DAB1: variants seen among roughly 807,000 people sequenced by gnomAD.
DAB1 encodes the protein DAB adaptor protein 1, also known as disabled homolog 1.
Under a neutral mutation model 64.6 loss-of-function variants are expected in DAB1, and 15 were observed. The ratio of observed to expected loss-of-function variants is 0.23; its 90% CI spans 0.16 to 0.36. DAB1 has a LOEUF of 0.36. Among genes scored for constraint, DAB1 ranks in the 10% least tolerant of loss-of-function variants. The pLI is 1.00. For missense variants in DAB1, 596 were observed against 706.7 expected (o/e 0.84, Z 1.78); for synonymous variants, 235 against 251.9 (o/e 0.93, Z 0.64).
intron 4 of DAB1, among the ~76,000 whole-genome samples, chr1:58,283,618 T>C (rs1661616330): frequency 6.6e-6 from 1 of 152,194 alleles, no homozygotes; most frequent in Non-Finnish European, 1.5e-5. Context: ...TCACTTTGTC[T>C]CTGAGCATCA....
At chr1:58,098,815 C>T (rs1651141121) in intron 5 of DAB1, among the ~76,000 whole-genome samples, 1 of 152,310 alleles carries the variant, frequency 6.6e-6, no homozygotes, top group East Asian at 1.9e-4. Context: ...AAGAAGTCAG[C>T]TGCACCAACA....
At chr1:57,065,481 CA>C (rs2100576921) in intron 8 of DAB1, among the ~76,000 whole-genome samples, 1 of 152,204 alleles carries the variant, frequency 6.6e-6, no homozygotes, top group East Asian at 1.9e-4. Context: ...ATTATTGCAT[CA>C]CATTGTAACT....
Position 57,136,652 on chromosome 1 carries a change from G to A in DAB1, c.208-11C>T. 1 of 1,502,376 alleles carries A rather than the reference G, an allele frequency of 6.7e-7. No individual in the cohort carries two copies. 93.1% of individuals were successfully genotyped at this position (1,502,376 alleles called of 1,614,324 possible). On this transcript the variant is annotated splice_polypyrimidine_tract_variant and intron_variant, in intron 3 of 14. Coordinates refer to ENST00000371236, the MANE Select transcript of DAB1 (RefSeq NM_001365792.1). ...GCCAGCAACAACGCCCTGTTGAAAG[G>A]AAGAACATGGTTTTTACTTAAGTGT... is the stretch of plus-strand genomic sequence containing the variant.
In DAB1 at chr1:57,196,445, G is replaced by T. The variant is rs35203220; in HGVS notation, c.68-51016C>A. 6.6e-5 allele frequency among the ~76,000 whole-genome samples: 10 copies of T among 152,316 alleles called. 1 individual carries two copies. The highest frequency in any genetic ancestry group is 2.0e-4 in the Admixed American group (3 of 15,288). The stretch of plus-strand genomic sequence containing the variant: ...GACCTGGCAGTGAGTGTGGGAGGCA[G>T]GTGGGCTCCTGGCAAACCAGGAAGA... On this transcript the variant is annotated intron_variant, in intron 2 of 14. Coordinates refer to ENST00000371236, the MANE Select transcript of DAB1 (RefSeq NM_001365792.1).
intron 2 of DAB1, among the ~76,000 whole-genome samples, chr1:57,274,927 TA>T (rs11423501): frequency 1.3e-4 from 20 of 149,990 alleles, no homozygotes; most frequent in South Asian, 4.2e-4. Flanking sequence ...CTTAACTGCT[TA>T]AAAAAAAATT....
chr1:57,706,114 G>A (rs1043397960), intron 6 of DAB1, among the ~76,000 whole-genome samples: 2 of 151,808 alleles, frequency 1.3e-5, no homozygotes, highest in African/African-American at 4.8e-5. Context: ...GGTCACATGT[G>A]CTCATGTGAC....
intron 2 of DAB1, among the ~76,000 whole-genome samples, chr1:58,514,369 A>G (rs1029038651): frequency 3.9e-5 from 6 of 152,216 alleles, no homozygotes; most frequent in African/African-American, 7.2e-5. Context: ...ATATGTATAA[A>G]TAGATCTAGA....
chr1:58,231,251 T>C (rs1283394668), intron 4 of DAB1, among the ~76,000 whole-genome samples: 1 of 152,182 alleles, frequency 6.6e-6, no homozygotes, highest in East Asian at 1.9e-4. Context: ...AAATGAAACT[T>C]AGAGCTCTTT....
intron 4 of DAB1, among the ~76,000 whole-genome samples, chr1:58,282,711 C>G (rs1661591235): frequency 6.6e-6 from 1 of 152,024 alleles, no homozygotes; most frequent in African/African-American, 2.4e-5. Context: ...TGCCACTCTG[C>G]CCACTGGAAA....
At chr1:57,023,385 C>T (rs778245712) in intron 11 of DAB1, 146 bp downstream of exon 11, 6 of 602,538 alleles carry the variant, frequency 1.0e-5, no homozygotes, top group Non-Finnish European at 1.8e-5. Flanking sequence ...CCACCTCCTC[C>T]TCTAAATAGC....
At chr1:57,853,701 C>T (rs1214654816) in intron 1 of DAB1, among the ~76,000 whole-genome samples, 1 of 152,080 alleles carries the variant, frequency 6.6e-6, no homozygotes, top group Non-Finnish European at 1.5e-5. Flanking sequence ...ATGAGTTGTT[C>T]CCTTTACTGA....
intron 6 of DAB1, among the ~76,000 whole-genome samples, chr1:57,736,245 T>G (rs1647686668): frequency 1.3e-5 from 2 of 152,106 alleles, no homozygotes; most frequent in Admixed American, 6.5e-5. Context: ...AAAGTTAAGA[T>G]TGGTGTTCAG....
intron 12 of DAB1, among the ~76,000 whole-genome samples, chr1:57,013,748 G>GCTGAGTCAT (rs1646336615): frequency 6.6e-6 from 1 of 152,176 alleles, no homozygotes; most frequent in African/African-American, 2.4e-5. Context: ...CAAGGCACAG[G>GCTGAGTCAT]CTGAGTCATC....
chr1:57,069,570 T>C (rs539613932), intron 7 of DAB1, 145 bp from the exon 8 acceptor site: 3 of 644,874 alleles, frequency 4.7e-6, no homozygotes, highest in African/African-American at 3.7e-5. Context: ...AACTAAATTA[T>C]TGAAATAAAA....
chr1:57,991,932 T>C (rs17434789), intron 5 of DAB1, among the ~76,000 whole-genome samples: 9,616 of 147,774 alleles, frequency 0.065, 420 homozygotes, highest in Middle Eastern at 0.17. Context: ...GATGCCCGAG[T>C]TGAGAAGGTC....
Position 57,001,510 on chromosome 1 carries a change from T to C in DAB1, c.*16-3382A>G, listed in dbSNP as rs2101625366. On this transcript the variant is annotated intron_variant, in intron 14 of 14. Transcript: ENST00000371236. ...TCACGTAAATGATGTTAAAAAAATC[T>C]TTCTTTATGTCTTTCCAGGATGATC... Among the ~76,000 whole-genome samples the C allele has an allele frequency of 2.0e-5, 3 of 152,308 alleles. No homozygotes were observed. In the East Asian group the frequency reaches 5.8e-4, roughly 29 times the overall value.
At chr1:57,261,532 T>G (rs1472092174) in intron 2 of DAB1, among the ~76,000 whole-genome samples, 2 of 152,172 alleles carry the variant, frequency 1.3e-5, no homozygotes, top group Non-Finnish European at 2.9e-5. Flanking sequence ...TCTATTTTGG[T>G]GTATCCCAAC....
At chr1:57,978,740 T>A (rs994610825) in intron 5 of DAB1, among the ~76,000 whole-genome samples, 1 of 151,792 alleles carries the variant, frequency 6.6e-6, no homozygotes, top group Non-Finnish European at 1.5e-5. Context: ...AACAACCCCA[T>A]CAAAAAATGG....
chr1:57,113,794 G>A (rs1655872143), intron 4 of DAB1, among the ~76,000 whole-genome samples: 1 of 152,136 alleles, frequency 6.6e-6, no homozygotes, highest in South Asian at 2.1e-4. Context: ...TGATTTTAAA[G>A]ACTACTCTTT....
Sources: gnomAD v4.1 joint callset for allele counts (sites outside exome capture counted in the v4.1 genomes callset) on GRCh38, gnomAD v4.1.1 for gene constraint, MANE v1.5 for transcripts, NCBI Gene and HGNC (gene_info 2026-07-23, HGNC 2026-07-21) for gene names.